ATP8B4: variants seen among roughly 807,000 people sequenced by gnomAD.
The protein encoded by ATP8B4 is ATPase phospholipid transporting 8B4 (putative), also known as probable phospholipid-transporting ATPase IM.
A neutral mutation model predicts 145.6 loss-of-function variants in ATP8B4; 133 were observed. The observed-to-expected ratio is 0.91, with a 90% CI of 0.79 to 1.05. The LOEUF is 1.05. Ranked by LOEUF, ATP8B4 falls within the 50% of genes least tolerant of loss-of-function variation. The probability of loss-of-function intolerance (pLI) is 0.00; values close to 1 mark genes in which losing one functional copy is unlikely to be tolerated. For missense variants in ATP8B4, 1,458 were observed against 1,425.2 expected (o/e 1.02, Z -0.37); for synonymous variants, 507 against 492.9 (o/e 1.03, Z -0.38).
At chr15:50,021,263 C>T (rs777160427) in intron 6 of ATP8B4, among the ~76,000 whole-genome samples, 2 of 152,178 alleles carry the variant, frequency 1.3e-5, no homozygotes, top group Non-Finnish European at 2.9e-5. Flanking sequence ...AATTTGTCAC[C>T]GTCATTCTGC....
chr15:49,961,723 C>G lies in ATP8B4; in HGVS notation c.1287+254G>C, dbSNP rs531599991. 3.9e-5 allele frequency among the ~76,000 whole-genome samples: 6 copies of G among 152,140 alleles called. No individual in the cohort carries two copies. The East Asian group carries it at 1.2e-3, about 29-fold the overall frequency. On this transcript the variant is annotated intron_variant, in intron 14 of 27. Transcript: ENST00000284509. ...ACCACCTATATAATTATTTTTCTCA[C>G]TATGTAAAAGGTGTGGAAATATAAT... is the stretch of plus-strand genomic sequence containing the variant.
At chr15:50,120,118 A>G (rs894188574), upstream of ATP8B4, among the ~76,000 whole-genome samples, 4 of 152,094 alleles carry the variant, frequency 2.6e-5, no homozygotes, top group Non-Finnish European at 4.4e-5. Flanking sequence ...TTTGCCAGTT[A>G]AGTACTGAAA....
intron 25 of ATP8B4, among the ~76,000 whole-genome samples, chr15:49,869,841 T>A (rs1273779010): frequency 6.6e-6 from 1 of 152,198 alleles, no homozygotes. Flanking sequence ...TTAGCTTAAA[T>A]TTTTAAAGTG....
chr15:49,862,123 CA>C (rs2031934806), intron 27 of ATP8B4, 121 bp downstream of exon 27: 1 of 1,244,160 alleles, frequency 8.0e-7, no homozygotes, highest in African/African-American at 1.5e-5. Flanking sequence ...TCTCATGCAC[CA>C]GTAGGTGTTT....
chr15:49,992,426 T>A (rs1050976145), intron 9 of ATP8B4, among the ~76,000 whole-genome samples: 4 of 152,130 alleles, frequency 2.6e-5, no homozygotes, highest in African/African-American at 9.7e-5. Context: ...AAATATACAT[T>A]TGCTGAATGA....
intron 9 of ATP8B4, 120 bp from the exon 10 acceptor site, chr15:49,987,669 A>C (rs2046733543): frequency 1.9e-6 from 2 of 1,031,996 alleles, no homozygotes; most frequent in Non-Finnish European, 2.7e-6. Flanking sequence ...GTTACATATA[A>C]AGAATTGTGC....
intron 1 of ATP8B4, among the ~76,000 whole-genome samples, chr15:50,147,700 T>A (rs2044297351): frequency 6.6e-6 from 1 of 151,966 alleles, no homozygotes. Context: ...CCAACCAAGA[T>A]CAATGACACA....
At chr15:50,115,987 A>T (rs1000318223) in intron 1 of ATP8B4, among the ~76,000 whole-genome samples, 3 of 152,212 alleles carry the variant, frequency 2.0e-5, no homozygotes, top group Non-Finnish European at 4.4e-5. Flanking sequence ...TCTCTGTGCC[A>T]GTCCAGGCTG....
chr15:49,979,755 TC>T lies in ATP8B4; in HGVS notation c.895del (p.Glu299ArgfsTer27), dbSNP rs759488179. 1 of 1,610,434 alleles carries T rather than the reference TC, an allele frequency of 6.2e-7. No individual in the cohort carries two copies. Among genetic ancestry groups the T allele is most frequent in the South Asian group, 1.1e-5 (1 of 90,808 alleles). ...TCTGAATTGGTCCCCAGTTTGACTC[TC>T]CCAGATTGAATTTCCTATTGCAAGA... ...IILAIGNSIWESQTGDQFRTF... is the reference protein window; with the variant it reads ...IILAIGNSIWXSQTGDQFRTF... On this transcript the variant is annotated frameshift_variant, in exon 12 of 28. Coordinates refer to ENST00000284509, the MANE Select transcript of ATP8B4 (RefSeq NM_024837.4). LOFTEE classifies it high-confidence loss of function.
At chr15:49,913,775 T>C (rs2039469788) in intron 20 of ATP8B4, among the ~76,000 whole-genome samples, 1 of 152,000 alleles carries the variant, frequency 6.6e-6, no homozygotes, top group African/African-American at 2.4e-5. Flanking sequence ...CCATTTACAA[T>C]AGCTGTAAAA....
At chr15:50,090,281 G>T (rs1039498078) in intron 2 of ATP8B4, among the ~76,000 whole-genome samples, 2 of 152,134 alleles carry the variant, frequency 1.3e-5, no homozygotes, top group Non-Finnish European at 2.9e-5. Flanking sequence ...ATTCCTAGGT[G>T]ACAGGTTGAT....
At chr15:50,163,268 G>A (rs1048638576) in intron 1 of ATP8B4, among the ~76,000 whole-genome samples, 1 of 152,176 alleles carries the variant, frequency 6.6e-6, no homozygotes, top group African/African-American at 2.4e-5. Flanking sequence ...TTCTTGGGAA[G>A]GCTTTCCAAG....
chr15:49,959,693 G>T (rs925560390), intron 14 of ATP8B4, among the ~76,000 whole-genome samples: 2 of 151,650 alleles, frequency 1.3e-5, no homozygotes, highest in Non-Finnish European at 2.9e-5. Flanking sequence ...GACACTAGGT[G>T]GAAACAATAA....
At chr15:50,167,282 T>C (rs186981279) in intron 1 of ATP8B4, among the ~76,000 whole-genome samples, 2 of 152,230 alleles carry the variant, frequency 1.3e-5, no homozygotes, top group African/African-American at 4.8e-5. Context: ...GTCTCACAGT[T>C]CTGGAGGACA....
chr15:50,162,174 C>T (rs145665223), intron 1 of ATP8B4, among the ~76,000 whole-genome samples: 20 of 151,858 alleles, frequency 1.3e-4, no homozygotes, highest in South Asian at 8.3e-4. Flanking sequence ...TTCTTGTATG[C>T]TTCTTTTCTC....
intron 1 of ATP8B4, among the ~76,000 whole-genome samples, chr15:50,109,270 A>G (rs1487868644): frequency 2.0e-5 from 3 of 152,228 alleles, no homozygotes; most frequent in Non-Finnish European, 2.9e-5. Flanking sequence ...ATTCACAAAA[A>G]GGATGTTTGG....
intron 13 of ATP8B4, among the ~76,000 whole-genome samples, chr15:49,971,319 C>T (rs1254418823): frequency 6.6e-6 from 1 of 152,172 alleles, no homozygotes; most frequent in East Asian, 1.9e-4. Context: ...AAACTATCAT[C>T]AGAGTGAACA....
chr15:50,053,274 T>G (rs890895430), intron 3 of ATP8B4, among the ~76,000 whole-genome samples: 2 of 152,236 alleles, frequency 1.3e-5, no homozygotes, highest in African/African-American at 4.8e-5. Flanking sequence ...TTACACGAGT[T>G]GACACAGCTT....
chr15:50,033,963 T>C (rs1188019536), intron 6 of ATP8B4, among the ~76,000 whole-genome samples: 1 of 152,228 alleles, frequency 6.6e-6, no homozygotes, highest in Non-Finnish European at 1.5e-5. Flanking sequence ...CAGTCCATTA[T>C]TGATGGGCAT....
Sources: gnomAD v4.1 joint callset for allele counts (sites outside exome capture counted in the v4.1 genomes callset) on GRCh38, gnomAD v4.1.1 for gene constraint, MANE v1.5 for transcripts, NCBI Gene and HGNC (gene_info 2026-07-23, HGNC 2026-07-21) for gene names.